MYO5B: variants seen among roughly 807,000 people sequenced by gnomAD.
MYO5B encodes unconventional myosin-Vb.
MYO5B carries 143 observed loss-of-function variants against 229.3 expected under a neutral mutation model. The ratio of observed to expected loss-of-function variants is 0.62; its 90% CI spans 0.54 to 0.72. The LOEUF (loss-of-function observed/expected upper bound fraction) is 0.72, where lower values mean the gene tolerates loss of function less well. MYO5B is among the 30% of genes least tolerant of loss of function. The pLI is 0.00. For synonymous variants in MYO5B, 918 were observed against 885.2 expected (o/e 1.04, Z -0.66); for missense variants, 2,321 against 2,331.0 (o/e 1.00, Z 0.09).
chr18:50,076,341 G>A (rs1304999592), intron 1 of MYO5B, among the ~76,000 whole-genome samples: 1 of 152,086 alleles, frequency 6.6e-6, no homozygotes. Context: ...TTCCATCCAT[G>A]CCCAAACACC....
At chr18:49,958,588 C>A (rs1018960717) in intron 12 of MYO5B, among the ~76,000 whole-genome samples, 1 of 152,206 alleles carries the variant, frequency 6.6e-6, no homozygotes, top group Non-Finnish European at 1.5e-5. Context: ...TTCCATCCAC[C>A]CACCCCTGCC....
At chr18:49,941,597 C>A (rs944408333) in intron 14 of MYO5B, among the ~76,000 whole-genome samples, 1 of 152,116 alleles carries the variant, frequency 6.6e-6, no homozygotes, top group African/African-American at 2.4e-5. Context: ...AGGATGCCCC[C>A]AAGTGTTAGC....
intron 1 of MYO5B, among the ~76,000 whole-genome samples, chr18:50,138,253 G>T (rs1792385102): frequency 6.6e-6 from 1 of 152,186 alleles, no homozygotes; most frequent in African/African-American, 2.4e-5. Flanking sequence ...AAGTGTGCTT[G>T]AAAGTGTTAA....
Position 49,825,267 on chromosome 18 carries a change from A to G in MYO5B, c.*1204T>C, listed in dbSNP as rs2023827876. ...AGTTAAAAAAAATTCTAAGAGCAGC[A>G]AACATCTAAGCCTGTTATATTACTG... On this transcript the variant is annotated 3_prime_UTR_variant, in exon 40 of 40. Coordinates refer to ENST00000285039, the MANE Select transcript of MYO5B (RefSeq NM_001080467.3). 6.6e-6 allele frequency: 1 copy of G among 152,368 alleles called. No individual in the cohort carries two copies. Among genetic ancestry groups the G allele is most frequent in the Admixed American group, 6.5e-5 (1 of 15,312 alleles). The allele number at this position is 152,368 out of a possible 1,614,324, so 9.4% of individuals were successfully genotyped here.
intron 31 of MYO5B, among the ~76,000 whole-genome samples, chr18:49,851,296 G>A (rs1199837549): frequency 6.6e-6 from 1 of 152,076 alleles, no homozygotes; most frequent in Non-Finnish European, 1.5e-5. Context: ...TGTCACTAAC[G>A]GTGGCTTTGT....
chr18:49,974,779 T>TCTCACACACACACA (rs1555648454), intron 9 of MYO5B, among the ~76,000 whole-genome samples, 164 bp from the exon 10 acceptor site: 2 of 117,046 alleles, frequency 1.7e-5, no homozygotes, highest in Non-Finnish European at 3.4e-5. Flanking sequence ...GCAGTCTCTC[T>TCTCACACACACACA]CACACACACA....
chr18:50,002,803 CAT>C lies in MYO5B; in HGVS notation c.456-1394_456-1393del, dbSNP rs2026062405. Among the ~76,000 whole-genome samples, 3 of 152,248 alleles carry C rather than the reference CAT, an allele frequency of 2.0e-5. No individual in the cohort carries two copies. In the South Asian group the frequency reaches 6.2e-4, roughly 32 times the overall value. ...CAACTAATCTAACTCCCTTCTTTTC[CAT>C]ATGAGGACAGGTTTAGAACTTGGGT... On this transcript the variant is annotated intron_variant, in intron 4 of 39. Coordinates refer to ENST00000285039, the MANE Select transcript of MYO5B (RefSeq NM_001080467.3).
intron 12 of MYO5B, among the ~76,000 whole-genome samples, chr18:49,961,741 T>A (rs913582852): frequency 6.6e-6 from 1 of 152,264 alleles, no homozygotes; most frequent in East Asian, 1.9e-4. Context: ...CCTCTAAACC[T>A]TACCCTCCCA....
rs572586780 is a variant in MYO5B at position 50,133,021 on chromosome 18, C to T, written c.27+61746G>A. 2.2e-4 allele frequency among the ~76,000 whole-genome samples: 33 copies of T among 152,214 alleles called. 1 individual carries two copies. In the South Asian group the frequency reaches 6.9e-3, roughly 32 times the overall value. Reference sequence around the variant, plus strand: ...AGAGACCCAAGTTCATAGTTTTTTGCTTTTTGTTTTAAATAAGCCTGGAAG... The same window carrying T: ...AGAGACCCAAGTTCATAGTTTTTTGTTTTTTGTTTTAAATAAGCCTGGAAG... On this transcript the variant is annotated intron_variant, in intron 1 of 39. Transcript: ENST00000285039.
intron 1 of MYO5B, among the ~76,000 whole-genome samples, chr18:50,184,475 C>T (rs1489833718): frequency 1.3e-5 from 2 of 152,084 alleles, no homozygotes; most frequent in African/African-American, 4.8e-5. Flanking sequence ...TCATGGAAGG[C>T]AGTAGAACAC....
chr18:49,902,493 G>T, intron 21 of MYO5B, 101 bp downstream of exon 21: 1 of 1,533,858 alleles, frequency 6.5e-7, no homozygotes, highest in Non-Finnish European at 8.9e-7. Context: ...TGCTCCCTCG[G>T]GTCTTCGGCA....
rs116106109 is a variant in MYO5B, at chr18:49,903,987, T to C, written c.2571+685A>G. Among the ~76,000 whole-genome samples, 522 of 152,318 alleles carry C rather than the reference T, an allele frequency of 3.4e-3. 4 individuals are homozygous for C. The highest frequency in any genetic ancestry group is 0.012 in the African/African-American group (495 of 41,558). On this transcript the variant is annotated intron_variant, in intron 20 of 39. Coordinates refer to ENST00000285039, the MANE Select transcript of MYO5B (RefSeq NM_001080467.3). ...CCCAATACCACCGCCTGCCCTCAAG[T>C]GTGAATGAGCCCTAGGTGGGTCACC...
At chr18:50,187,680 T>A (rs968902098) in intron 1 of MYO5B, among the ~76,000 whole-genome samples, 3 of 152,214 alleles carry the variant, frequency 2.0e-5, no homozygotes, top group South Asian at 2.1e-4. Flanking sequence ...CACACCCAGC[T>A]AATTTTTTCT....
In MYO5B at chr18:49,974,370, G is replaced by A. The variant is rs776785214; in HGVS notation, c.1302C>T (p.Ile434=). 4.3e-5 allele frequency: 70 copies of A among 1,614,092 alleles called. No homozygotes were observed. Among genetic ancestry groups the A allele is most frequent in the Non-Finnish European group, 5.7e-5 (67 of 1,180,038 alleles). ...CCTACCCATAGATGTCCAGGACCCC[G>A]ATGAAGGAGTGCTGCTTGAGGGAGG... ...LHTSLKQHSF[I]GVLDIYGFET... Residue 434 remains isoleucine (I), a synonymous_variant, in exon 10 of 40, where the codon ATC becomes ATT. Transcript: ENST00000285039.
In MYO5B at chr18:49,990,424, C is replaced by T. The variant is rs772173656; in HGVS notation, c.838+15G>A. ...TAGCCCACCCCAGAGGATAGGCATG[C>T]ACCTGTTGACTTACTTAGTGCAAGC... is the stretch of plus-strand genomic sequence containing the variant. On this transcript the variant is annotated intron_variant, in intron 7 of 39. Coordinates refer to ENST00000285039, the MANE Select transcript of MYO5B (RefSeq NM_001080467.3). The T allele has an allele frequency of 1.9e-6, 3 of 1,608,484 alleles. No individual in the cohort carries two copies. The highest frequency in any genetic ancestry group is 1.7e-5 in the Admixed American group (1 of 59,990).
At chr18:50,165,567 C>T (rs144703249) in intron 1 of MYO5B, among the ~76,000 whole-genome samples, 10 of 152,116 alleles carry the variant, frequency 6.6e-5, no homozygotes, top group Admixed American at 4.6e-4. Flanking sequence ...CTTAAGGTCA[C>T]GAGTTCAAGA....
intron 7 of MYO5B, among the ~76,000 whole-genome samples, chr18:49,985,505 C>T (rs965854315): frequency 6.6e-6 from 1 of 152,160 alleles, no homozygotes; most frequent in South Asian, 2.1e-4. Flanking sequence ...TAGTATCTGC[C>T]CTACAAAGAG....
At chr18:50,109,866 A>G (rs1350907068) in intron 1 of MYO5B, among the ~76,000 whole-genome samples, 1 of 152,182 alleles carries the variant, frequency 6.6e-6, no homozygotes, top group Non-Finnish European at 1.5e-5. Context: ...AAGCAGGCCT[A>G]AAGCCATGTG....
intron 1 of MYO5B, among the ~76,000 whole-genome samples, chr18:50,154,392 C>T (rs2032648357): frequency 6.6e-6 from 1 of 152,120 alleles, no homozygotes; most frequent in Admixed American, 6.5e-5. Flanking sequence ...AATCTGGCTC[C>T]TCTAATTTTA....
Sources: gnomAD v4.1 joint callset for allele counts (sites outside exome capture counted in the v4.1 genomes callset) on GRCh38, gnomAD v4.1.1 for gene constraint, MANE v1.5 for transcripts, NCBI Gene and HGNC (gene_info 2026-07-23, HGNC 2026-07-21) for gene names.